The following TENM2 variants were observed in gnomAD, a reference collection of about 807,000 sequenced individuals.
TENM2 encodes the protein teneurin-2.
In TENM2, 52 loss-of-function variants were observed where a neutral mutation model predicts 245.2. The ratio of observed to expected loss-of-function variants is 0.21; its 90% confidence interval spans 0.17 to 0.27. The LOEUF (loss-of-function observed/expected upper bound fraction) is 0.27, where lower values mean the gene tolerates loss of function less well. TENM2 is among the 10% of genes least tolerant of loss of function. TENM2 has a pLI of 1.00. For synonymous variants in TENM2, 1,363 were observed against 1,438.9 expected, an observed-to-expected ratio of 0.95 and a Z score of 1.19; for missense variants, 3,046 against 3,666.8, an observed-to-expected ratio of 0.83 and a Z score of 4.37.
intron 5 of TENM2, among the ~76,000 whole-genome samples, chr5:168,036,682 T>TATAC (rs2151982848): frequency 9.0e-6 from 1 of 111,264 alleles, no homozygotes; most frequent in Non-Finnish European, 1.7e-5. Context: ...TATGTGTATA[T>TATAC]ATATATATAT....
chr5:167,894,704 T>A (rs114446136), intron 3 of TENM2, among the ~76,000 whole-genome samples: 9 of 152,240 alleles, frequency 5.9e-5, no homozygotes, highest in Non-Finnish European at 1.0e-4. Context: ...TCCATAAATA[T>A]CTGTTGGATG....
At chr5:167,280,168 G>C (rs1283597407), upstream of TENM2, among the ~76,000 whole-genome samples, 1 of 152,102 alleles carries the variant, frequency 6.6e-6, no homozygotes, top group Non-Finnish European at 1.5e-5. Flanking sequence ...GCCAACCCAG[G>C]GATAGAGGAA....
chr5:168,097,541 C>G (rs1793467930), intron 8 of TENM2, among the ~76,000 whole-genome samples: 1 of 152,194 alleles, frequency 6.6e-6, no homozygotes, highest in Non-Finnish European at 1.5e-5. Flanking sequence ...TTTCCTGCCT[C>G]AGCCTCCCAA....
At chr5:167,742,995 C>A (rs1200887017) in intron 2 of TENM2, among the ~76,000 whole-genome samples, 92 of 148,790 alleles carry the variant, frequency 6.2e-4, no homozygotes, top group African/African-American at 2.1e-3. Flanking sequence ...ACAACAACAA[C>A]AACAACAACA....
intron 2 of TENM2, chr5:167,573,901 AAAAG>A (rs1193832024): frequency 2.0e-5 from 3 of 151,926 alleles, no homozygotes; most frequent in Admixed American, 6.6e-5. Flanking sequence ...AAAAGAAAAA[AAAAG>A]AAAGAAAAAA....
intron 3 of TENM2, among the ~76,000 whole-genome samples, chr5:167,950,005 T>C (rs1332746735): frequency 2.0e-5 from 3 of 152,192 alleles, no homozygotes; most frequent in African/African-American, 7.2e-5. Context: ...ATTTGATCTA[T>C]CTGCAATGAA....
chr5:167,570,163 A>G (rs1774175257), intron 2 of TENM2, among the ~76,000 whole-genome samples: 1 of 152,200 alleles, frequency 6.6e-6, no homozygotes, highest in African/African-American at 2.4e-5. Flanking sequence ...CTTGTGCAGT[A>G]GGGATAGAAC....
At chr5:168,259,595 AAG>A (rs1458671292) in intron 27 of TENM2, among the ~76,000 whole-genome samples, 2 of 152,062 alleles carry the variant, frequency 1.3e-5, no homozygotes, top group South Asian at 2.1e-4. Context: ...CTCAAAAAAA[AAG>A]AGAGTAGGAA....
intron 12 of TENM2, among the ~76,000 whole-genome samples, chr5:168,160,180 G>A (rs1193209411): frequency 1.3e-5 from 2 of 152,218 alleles, no homozygotes; most frequent in Non-Finnish European, 2.9e-5. Context: ...CTGGAGGTTG[G>A]AGAAATTCTC....
chr5:167,363,743 AAAAG>A (rs1315882017), intron 1 of TENM2, among the ~76,000 whole-genome samples: 9 of 149,858 alleles, frequency 6.0e-5, no homozygotes, highest in African/African-American at 2.2e-4. Flanking sequence ...AAAAAAAAAA[AAAAG>A]AAAAGAAAAA....
chr5:167,419,044 G>A (rs973386478), intron 2 of TENM2, among the ~76,000 whole-genome samples: 1 of 151,696 alleles, frequency 6.6e-6, no homozygotes, highest in African/African-American at 2.4e-5. Context: ...TTAAAATTAT[G>A]TATATATTTA....
intron 17 of TENM2, among the ~76,000 whole-genome samples, chr5:168,202,464 C>A (rs1250840159): frequency 6.6e-6 from 1 of 150,922 alleles, no homozygotes; most frequent in South Asian, 2.1e-4. Flanking sequence ...AGCTCATTCC[C>A]AAATCCTTTT....
intron 2 of TENM2, among the ~76,000 whole-genome samples, chr5:167,556,584 A>G (rs893258576): frequency 1.3e-5 from 2 of 152,166 alleles, no homozygotes; most frequent in African/African-American, 4.8e-5. Context: ...CGGGCACTTA[A>G]TGTCACCAAA....
rs538348798 is a variant in TENM2, at chr5:168,262,205, T to C, written c.7720T>C (p.Phe2574Leu). 3.1e-6 allele frequency: 5 copies of C among 1,610,034 alleles called. 1 individual carries two copies. The African/African-American group carries it at 4.0e-5, about 13-fold the overall frequency. The change falls in exon 29 of 29, where the codon TTT (phenylalanine) becomes CTT (leucine). Residue 2574 changes from phenylalanine (F) to leucine (L), a missense_variant. By Grantham distance (22) the Phe-to-Leu change is conservative. Around this residue, in one of 2 missense-constraint regions of TENM2, gnomAD observed 2,704 missense variants for 3,331.9 expected, o/e 0.81. Transcript: ENST00000518659. ...GCCCATCATTGGCAAAGGCATCATG[T>C]TTGCCATCAAAGAAGGGCGGGTGAC...
chr5:167,829,031 G>A (rs903197333), intron 2 of TENM2, among the ~76,000 whole-genome samples: 12 of 152,124 alleles, frequency 7.9e-5, no homozygotes, highest in African/African-American at 1.7e-4. Flanking sequence ...AGCTTTTTCC[G>A]GACTGGCTCT....
At chr5:167,052,041 A>G in the TENM2 span, among the ~76,000 whole-genome samples, 2 of 152,176 alleles carry the variant, frequency 1.3e-5, no homozygotes, top group African/African-American at 4.8e-5. Context: ...TTGTAGTATA[A>G]GCAACTGACA....
At chr5:167,945,987 C>A (rs917373440) in intron 3 of TENM2, among the ~76,000 whole-genome samples, 20 of 152,124 alleles carry the variant, frequency 1.3e-4, no homozygotes, top group African/African-American at 4.8e-4. Flanking sequence ...CTGCAGCTTG[C>A]GACAGCAGTG....
rs528952732 is a variant in TENM2 at position 167,814,703 on chromosome 5, T to C, written c.503-61283T>C. Among the ~76,000 whole-genome samples, 15 of 151,580 alleles carry C rather than the reference T, an allele frequency of 9.9e-5. No individual in the cohort carries two copies. In the South Asian group the frequency reaches 2.5e-3, roughly 25 times the overall value. ...TATATTACATACATATATATAGATA[T>C]CTATATAAATGTAGTTATGTACAGC... On this transcript the variant is annotated intron_variant, in intron 2 of 28. Transcript: ENST00000518659.
intron 6 of TENM2, among the ~76,000 whole-genome samples, chr5:168,054,375 T>C (rs1789362583): frequency 6.6e-6 from 1 of 152,254 alleles, no homozygotes; most frequent in African/African-American, 2.4e-5. Flanking sequence ...TTTTCACTTA[T>C]CTGTTGGTTA....
Sources: gnomAD v4.1 joint callset for allele counts (sites outside exome capture counted in the v4.1 genomes callset) on GRCh38, gnomAD v4.1.1 for gene constraint, gnomAD v4.1.1 regional missense constraint, MANE v1.5 for transcripts, NCBI Gene and HGNC (gene_info 2026-07-23, HGNC 2026-07-21) for gene names.